The following SUPT3H variants were observed in gnomAD, a reference collection of about 807,000 sequenced individuals.
SUPT3H encodes SPT3 homolog, SAGA and STAGA complex component.
A neutral mutation model predicts 44.3 loss-of-function variants in SUPT3H; 44 were observed. The observed-to-expected ratio is 0.99, with a 90% confidence interval of 0.78 to 1.28. The LOEUF is 1.28. SUPT3H is among the 50% of genes most tolerant of loss of function. SUPT3H has a pLI of 0.00. For missense variants in SUPT3H, 380 were observed against 387.1 expected (o/e 0.98, Z 0.15); for synonymous variants, 124 against 125.6 (o/e 0.99, Z 0.09).
chr6:45,164,358 G>A (rs1001726184), intron 2 of SUPT3H, among the ~76,000 whole-genome samples: 3 of 152,182 alleles, frequency 2.0e-5, no homozygotes, highest in African/African-American at 7.2e-5. Flanking sequence ...GTGGGTGTAT[G>A]TGTGTTTGTT....
At chr6:45,267,166 T>C (rs1289246899) in intron 2 of SUPT3H, among the ~76,000 whole-genome samples, 1 of 152,176 alleles carries the variant, frequency 6.6e-6, no homozygotes, top group East Asian at 1.9e-4. Context: ...CCAAGTATTT[T>C]GGATATGAGA....
At chr6:44,944,787 A>G (rs13211042) in intron 9 of SUPT3H, among the ~76,000 whole-genome samples, 1 of 133,970 alleles carries the variant, frequency 7.5e-6, no homozygotes, top group East Asian at 2.0e-4. Context: ...AAAAAAAAAG[A>G]AAAGAAAAAA....
In SUPT3H at chr6:44,886,193, G is replaced by A. The variant is rs1762258845; in HGVS notation, c.912+46460C>T. On this transcript the variant is annotated intron_variant, in intron 10 of 10. Transcript: ENST00000371459. ...ATGGAACCAAGTTGGAAAACACTCTGCAGGATATTATCCAGGAGAACTTCC... is the reference window on the plus strand; with the variant it reads ...ATGGAACCAAGTTGGAAAACACTCTACAGGATATTATCCAGGAGAACTTCC... Among the ~76,000 whole-genome samples the A allele has an allele frequency of 2.0e-5, 3 of 152,176 alleles. No homozygotes were observed. The South Asian group carries it at 6.2e-4, about 31-fold the overall frequency.
chr6:45,017,703 A>G (rs183223939), intron 4 of SUPT3H, among the ~76,000 whole-genome samples: 4,670 of 146,508 alleles, frequency 0.032, 128 homozygotes, highest in Admixed American at 0.072. Flanking sequence ...CCATTGATCT[A>G]TATCTCTGTT....
intron 10 of SUPT3H, among the ~76,000 whole-genome samples, chr6:44,928,882 C>CAAAAAAAAAAAAAAA (rs35656937): frequency 9.7e-5 from 2 of 20,626 alleles, no homozygotes; most frequent in Non-Finnish European, 1.5e-4. Context: ...GACTCCGTCT[C>CAAAAAAAAAAAAAAA]AAAAAAAAAA....
chr6:45,296,582 T>C (rs1781264551), intron 2 of SUPT3H, among the ~76,000 whole-genome samples: 1 of 150,838 alleles, frequency 6.6e-6, no homozygotes, highest in African/African-American at 2.4e-5. Context: ...CTACTAAAAA[T>C]ATAAAAATTA....
chr6:44,934,508 C>G (rs1347807421), intron 9 of SUPT3H, among the ~76,000 whole-genome samples: 3 of 152,140 alleles, frequency 2.0e-5, no homozygotes, highest in Non-Finnish European at 2.9e-5. Context: ...AGGAGGTTTA[C>G]TATGGTAAGT....
chr6:45,138,284 C>G (rs181080829), intron 2 of SUPT3H, among the ~76,000 whole-genome samples: 4 of 152,108 alleles, frequency 2.6e-5, no homozygotes, highest in African/African-American at 9.7e-5. Context: ...TTTTGGAGAA[C>G]AGTTGGACAT....
chr6:45,045,204 A>C (rs1405067162), intron 3 of SUPT3H, among the ~76,000 whole-genome samples: 5 of 152,190 alleles, frequency 3.3e-5, no homozygotes. Flanking sequence ...AACCAGCTGG[A>C]AGACCACCCA....
intron 2 of SUPT3H, among the ~76,000 whole-genome samples, chr6:45,267,930 C>T (rs901536855): frequency 1.3e-5 from 2 of 152,174 alleles, no homozygotes; most frequent in Admixed American, 1.3e-4. Context: ...AGCTCACATA[C>T]AAATAATTGT....
intron 2 of SUPT3H, among the ~76,000 whole-genome samples, chr6:45,253,874 C>T (rs6900951): frequency 0.01 from 485 of 47,640 alleles, 1 homozygote; most frequent in East Asian, 0.023. Flanking sequence ...TATATATATA[C>T]ACACACACAG....
chr6:44,887,624 T>C (rs1205084212), intron 10 of SUPT3H, among the ~76,000 whole-genome samples: 2 of 151,804 alleles, frequency 1.3e-5, no homozygotes, highest in Admixed American at 6.6e-5. Context: ...AAGCAGTGTG[T>C]AGAGGGAAAT....
At chr6:45,068,861 A>G (rs967062670) in intron 3 of SUPT3H, among the ~76,000 whole-genome samples, 14 of 152,120 alleles carry the variant, frequency 9.2e-5, no homozygotes, top group Non-Finnish European at 2.1e-4. Flanking sequence ...ACACAGTATG[A>G]ATTACTAATC....
intron 1 of SUPT3H, 145 bp from the exon 2 acceptor site, chr6:45,365,446 A>G (rs1321302992): frequency 1.7e-6 from 1 of 583,270 alleles, no homozygotes; most frequent in African/African-American, 1.9e-5. Context: ...ATTCACTTAT[A>G]CTTAATGTTC....
chr6:44,904,247 C>T (rs1459313104), intron 10 of SUPT3H, among the ~76,000 whole-genome samples: 6 of 152,200 alleles, frequency 3.9e-5, no homozygotes, highest in African/African-American at 1.4e-4. Context: ...CTGCAGATGA[C>T]ATGATTGTAT....
intron 10 of SUPT3H, among the ~76,000 whole-genome samples, chr6:44,848,929 A>AT (rs1218970323): frequency 3.3e-5 from 5 of 152,248 alleles, no homozygotes; most frequent in Admixed American, 3.3e-4. Flanking sequence ...TCAGAAGTGA[A>AT]TAAGAGACGA....
At position 44,904,966 on chromosome 6, in the gene SUPT3H, T is replaced by C. The variant is rs143518150; in HGVS notation, c.912+27687A>G. On this transcript the variant is annotated intron_variant, in intron 10 of 10. Transcript: ENST00000371459. ...TGGTGCTGGGAACACTGGCTGGCCA[T>C]ATGTAGAAAGCTGAAACTGGATCCC... 2.1e-3 allele frequency among the ~76,000 whole-genome samples: 324 copies of C among 152,310 alleles called. 1 individual carries two copies. The highest frequency in any genetic ancestry group is 7.5e-3 in the African/African-American group (313 of 41,570).
At position 45,012,842 on chromosome 6, in the gene SUPT3H, C is replaced by T. The variant is rs146425463; in HGVS notation, c.364+1959G>A. 1.7e-4 allele frequency among the ~76,000 whole-genome samples: 26 copies of T among 152,234 alleles called. 1 individual carries two copies. The East Asian group carries it at 4.8e-3, about 28-fold the overall frequency. ...TGTCATTGTTTATTTCATGACTTGGCTGAACTAGTACAATGAAGTCTCTTC... is the reference window on the plus strand; with the variant it reads ...TGTCATTGTTTATTTCATGACTTGGTTGAACTAGTACAATGAAGTCTCTTC... On this transcript the variant is annotated intron_variant, in intron 5 of 10. Transcript: ENST00000371459.
chr6:45,014,804 C>A lies in SUPT3H; in HGVS notation c.361G>T (p.Glu121Ter). Residue 121 changes from glutamate to a stop codon, truncating the protein, a stop_gained, in exon 5 of 11, where the codon GAA becomes TAA. Transcript: ENST00000371459. LOFTEE classifies it high-confidence loss of function. ...VKGIDEDDLL[E>*]DKLSGSNNAN... ...TTTTGTGTTTTGTTTTGGTTACCTT[C>A]GAGAAGATCATCCTCATCGATGCCT... 1 of 1,581,328 alleles carries A rather than the reference C, an allele frequency of 6.3e-7. No homozygotes were observed. The highest frequency in any genetic ancestry group is 8.6e-7 in the Non-Finnish European group (1 of 1,166,158).
Sources: allele counts gnomAD v4.1 joint callset (sites outside exome capture counted in the v4.1 genomes callset), GRCh38; gene constraint gnomAD v4.1.1; transcripts MANE v1.5; gene names NCBI Gene and HGNC (gene_info 2026-07-23, HGNC 2026-07-21).